The following ZMAT5 variants were observed in gnomAD, a reference collection of about 807,000 sequenced individuals.
ZMAT5 encodes the protein zinc finger matrin-type 5.
A neutral mutation model predicts 28.0 loss-of-function variants in ZMAT5; 23 were observed. The ratio of observed to expected loss-of-function variants is 0.82; its 90% CI spans 0.59 to 1.16. The LOEUF is 1.16. Among genes scored for constraint, ZMAT5 ranks in the 50% most tolerant of loss-of-function variants. ZMAT5 has a pLI of 0.00. For missense variants in ZMAT5, 173 were observed against 212.7 expected, an observed-to-expected ratio of 0.81 and a Z score of 1.16; for synonymous variants, 76 against 84.1, an observed-to-expected ratio of 0.90 and a Z score of 0.52.
At chr22:29,753,025 G>A (rs1188773024) in intron 1 of ZMAT5, among the ~76,000 whole-genome samples, 2 of 152,156 alleles carry the variant, frequency 1.3e-5, no homozygotes, top group Non-Finnish European at 2.9e-5. Context: ...CTCCGAGAGC[G>A]GGATACCCAG....
rs192687325 is a variant in ZMAT5 at position 29,734,328 on chromosome 22, G to A, written c.384-2974C>T. Reference sequence around the variant, plus strand: ...AGGGCTGGCCTGGCTCACTGGAGAGGCTCAGCTCAGCCAGCGGAGGTTGGA... The same window carrying A: ...AGGGCTGGCCTGGCTCACTGGAGAGACTCAGCTCAGCCAGCGGAGGTTGGA... On this transcript the variant is annotated intron_variant, in intron 5 of 5. Coordinates refer to ENST00000344318, the MANE Select transcript of ZMAT5 (RefSeq NM_001003692.2). Among the ~76,000 whole-genome samples the A allele has an allele frequency of 3.1e-4, 47 of 152,332 alleles. No individual in the cohort carries two copies. In the East Asian group the frequency reaches 7.7e-3, roughly 25 times the overall value.
intron 1 of ZMAT5, among the ~76,000 whole-genome samples, chr22:29,765,350 C>T (rs1422009261): frequency 6.6e-6 from 1 of 151,824 alleles, no homozygotes; most frequent in African/African-American, 2.4e-5. Flanking sequence ...ACATGGGTGG[C>T]AGAGGTTGCA....
chr22:29,738,527 T>G, intron 4 of ZMAT5, 86 bp from the exon 5 acceptor site: 1 of 1,247,060 alleles, frequency 8.0e-7, no homozygotes, highest in Non-Finnish European at 1.1e-6. Flanking sequence ...AAGCAACTGG[T>G]AGGCCCTGAG....
chr22:29,747,796 C>G (rs761543623), intron 2 of ZMAT5: 3 of 162,906 alleles, frequency 1.8e-5, no homozygotes, highest in Non-Finnish European at 4.1e-5. Context: ...GCCTGCCTTC[C>G]TTCTGCAACT....
intron 1 of ZMAT5, among the ~76,000 whole-genome samples, chr22:29,755,271 G>A (rs552296521): frequency 7.0e-6 from 1 of 142,886 alleles, no homozygotes; most frequent in African/African-American, 2.5e-5. Context: ...CTCCAGGCTG[G>A]GCAACAAAGT....
At chr22:29,766,140 C>G (rs2068209413) in intron 1 of ZMAT5, among the ~76,000 whole-genome samples, 1 of 152,126 alleles carries the variant, frequency 6.6e-6, no homozygotes, top group South Asian at 2.1e-4. Context: ...ACAGTGAGAC[C>G]CTGTCTCTAA....
intron 5 of ZMAT5, 173 bp from the exon 6 acceptor site, chr22:29,731,527 C>G: frequency 1.3e-6 from 1 of 752,616 alleles, no homozygotes; most frequent in Non-Finnish European, 2.0e-6. Context: ...AGCGACCTCA[C>G]CTCTAGGAAC....
chr22:29,731,219 A>AG lies in ZMAT5; in HGVS notation c.*5dup. On this transcript the variant is annotated 3_prime_UTR_variant, in exon 6 of 6. Transcript: ENST00000344318. Reference sequence around the variant, plus strand: ...ACCACGTGGGGGTCAGTCGGGGGCAAGGGGCTCAGCCCCACTGGACTCTGG... The same window carrying AG: ...ACCACGTGGGGGTCAGTCGGGGGCAAGGGGGCTCAGCCCCACTGGACTCTGG... The AG allele has an allele frequency of 6.7e-7, 1 of 1,491,228 alleles. No homozygotes were observed. Among genetic ancestry groups the AG allele is most frequent in the Non-Finnish European group, 8.8e-7 (1 of 1,130,624 alleles). The allele number at this position is 1,491,228 out of a possible 1,614,324, so 92.4% of individuals were successfully genotyped here. A position where few individuals can be genotyped will look rare whatever the true frequency, so the allele number is the denominator to read the frequency against.
chr22:29,732,807 C>T (rs187512817), intron 5 of ZMAT5, among the ~76,000 whole-genome samples: 95 of 151,870 alleles, frequency 6.3e-4, no homozygotes, highest in Non-Finnish European at 9.7e-4. Context: ...GCCATGCAGC[C>T]GCCGCCAAAA....
At chr22:29,733,358 C>T (rs1452383898) in intron 5 of ZMAT5, among the ~76,000 whole-genome samples, 2 of 152,128 alleles carry the variant, frequency 1.3e-5, no homozygotes, top group Admixed American at 6.5e-5. Context: ...GGTGGAGAGC[C>T]GGGGTCAGGA....
At chr22:29,752,328 ATGT>A (rs2068061996) in intron 1 of ZMAT5, among the ~76,000 whole-genome samples, 1 of 152,102 alleles carries the variant, frequency 6.6e-6, no homozygotes, top group African/African-American at 2.4e-5. Flanking sequence ...GGTGGGCTGT[ATGT>A]GTGTGTATAT....
chr22:29,742,790 G>T lies in ZMAT5; in HGVS notation c.128-310C>A, dbSNP rs535422891. Among the ~76,000 whole-genome samples the T allele has an allele frequency of 2.0e-5, 3 of 152,144 alleles. No homozygotes were observed. The South Asian group carries it at 6.2e-4, about 32-fold the overall frequency. On this transcript the variant is annotated intron_variant, in intron 2 of 5. Transcript: ENST00000344318. ...TCAGCTGGAGAGTCTGGGGACTTTG[G>T]GTTTTTTTGTTTTTTAGAGACAGGG...
chr22:29,753,721 A>ATC, intron 1 of ZMAT5, among the ~76,000 whole-genome samples: 1 of 152,048 alleles, frequency 6.6e-6, no homozygotes, highest in African/African-American at 2.4e-5. Flanking sequence ...ACAAAAAAGA[A>ATC]CCAGCTGTGC....
chr22:29,731,667 C>G, intron 5 of ZMAT5: 1 of 310,868 alleles, frequency 3.2e-6, no homozygotes, highest in Non-Finnish European at 5.9e-6. Context: ...GCCATGCGGC[C>G]TGTGTAAGAA....
chr22:29,743,488 C>T (rs1166441216), intron 2 of ZMAT5, among the ~76,000 whole-genome samples: 10 of 152,284 alleles, frequency 6.6e-5, no homozygotes, highest in South Asian at 4.1e-4. Flanking sequence ...TGGAGTGCAG[C>T]GGCATGATCT....
At chr22:29,744,809 C>A (rs1326208847) in intron 2 of ZMAT5, among the ~76,000 whole-genome samples, 1 of 152,202 alleles carries the variant, frequency 6.6e-6, no homozygotes, top group East Asian at 1.9e-4. Context: ...GAAGGGAGGG[C>A]ATCAGAATTG....
intron 5 of ZMAT5, among the ~76,000 whole-genome samples, chr22:29,732,808 G>A (rs1044908434): frequency 7.4e-5 from 11 of 149,302 alleles, no homozygotes; most frequent in African/African-American, 1.5e-4. Flanking sequence ...CCATGCAGCC[G>A]CCGCCAAAAT....
chr22:29,737,999 G>A lies in ZMAT5; in HGVS notation c.383+331C>T, dbSNP rs529402464. 7.3e-3 allele frequency among the ~76,000 whole-genome samples: 1,116 copies of A among 152,118 alleles called. 14 individuals carry two copies. The highest frequency in any genetic ancestry group is 0.025 in the African/African-American group (1,055 of 41,498). On this transcript the variant is annotated intron_variant, in intron 5 of 5. Coordinates refer to ENST00000344318, the MANE Select transcript of ZMAT5 (RefSeq NM_001003692.2). ...TCTGCAAGGCCCTAGAGGCAACAGT[G>A]GGCAGCAGTGCATGGTGACCACAGC...
intron 1 of ZMAT5, 26 bp from the exon 2 acceptor site, chr22:29,748,597 T>C (rs1601723945): frequency 6.2e-7 from 1 of 1,611,326 alleles, no homozygotes; most frequent in East Asian, 2.2e-5. Flanking sequence ...GAGCTCAGAT[T>C]AGACCATTGG....
Sources: allele counts gnomAD v4.1 joint callset (sites outside exome capture counted in the v4.1 genomes callset), GRCh38; gene constraint gnomAD v4.1.1; transcripts MANE v1.5; gene names NCBI Gene and HGNC (gene_info 2026-07-23, HGNC 2026-07-21).